The following HDAC9 variants were observed in gnomAD, a reference collection of about 807,000 sequenced individuals.
HDAC9 encodes the protein MEF-2 interacting transcription repressor (MITR) protein.
Under a neutral mutation model 139.4 loss-of-function variants are expected in HDAC9, and 41 were observed. The observed-to-expected ratio is 0.29, with a 90% CI of 0.23 to 0.38. The LOEUF is 0.38. Ranked by LOEUF, HDAC9 falls within the 10% of genes least tolerant of loss-of-function variation. HDAC9 has a pLI of 1.00. For missense variants in HDAC9, 1,147 were observed against 1,297.0 expected (o/e 0.88, Z 1.78); for synonymous variants, 517 against 476.2 (o/e 1.09, Z -1.12).
intron 21 of HDAC9, among the ~76,000 whole-genome samples, chr7:18,843,876 A>G (rs1387585688): frequency 6.6e-6 from 1 of 152,150 alleles, no homozygotes; most frequent in Non-Finnish European, 1.5e-5. Flanking sequence ...TGACTTTCCC[A>G]CGTGGAGGAA....
At chr7:18,871,087 G>T (rs1798883587) in intron 21 of HDAC9, among the ~76,000 whole-genome samples, 2 of 152,154 alleles carry the variant, frequency 1.3e-5, no homozygotes. Context: ...CTGTAAGAAA[G>T]AGCTGTTTTC....
intron 2 of HDAC9, among the ~76,000 whole-genome samples, chr7:18,183,323 TA>T (rs1409965080): frequency 6.6e-6 from 1 of 152,132 alleles, no homozygotes; most frequent in East Asian, 1.9e-4. Context: ...TTTGTTTTTT[TA>T]AAAAAAGCCC....
At chr7:18,487,522 T>A (rs1188786235) in intron 1 of HDAC9, among the ~76,000 whole-genome samples, 2 of 152,032 alleles carry the variant, frequency 1.3e-5, no homozygotes, top group Non-Finnish European at 2.9e-5. Flanking sequence ...AGTCCTGAAG[T>A]AGAGAAGATT....
At chr7:18,184,270 T>C (rs1038781594) in intron 2 of HDAC9, among the ~76,000 whole-genome samples, 2 of 152,068 alleles carry the variant, frequency 1.3e-5, no homozygotes, top group African/African-American at 4.8e-5. Context: ...TTGCGGCACA[T>C]GCCTGTAATT....
intron 1 of HDAC9, among the ~76,000 whole-genome samples, chr7:18,368,278 A>T (rs760376637): frequency 2.0e-5 from 3 of 151,996 alleles, no homozygotes; most frequent in South Asian, 2.1e-4. Context: ...GATGAAAGTG[A>T]TCTATCACTT....
intron 1 of HDAC9, among the ~76,000 whole-genome samples, chr7:18,313,816 T>G (rs1799469359): frequency 6.6e-6 from 1 of 152,198 alleles, no homozygotes; most frequent in African/African-American, 2.4e-5. Context: ...CAATTTATCC[T>G]TTTGTGCTAA....
Position 18,183,420 on chromosome 7 carries a change from C to T in HDAC9, c.25+21071C>T, listed in dbSNP as rs573819660. Among the ~76,000 whole-genome samples, 9 of 152,272 alleles carry T rather than the reference C, an allele frequency of 5.9e-5. No individual in the cohort carries two copies. In the South Asian group the frequency reaches 1.9e-3, roughly 32 times the overall value. ...TCAGATTCTACATACATAATAATTA[C>T]GATGGCTAGAAGGAGACAAATCTAA... is the stretch of plus-strand genomic sequence containing the variant. On this transcript the variant is annotated intron_variant, in intron 2 of 12. Transcript: ENST00000417496.
chr7:18,939,935 G>A (rs1781909581), intron 23 of HDAC9, among the ~76,000 whole-genome samples: 1 of 152,142 alleles, frequency 6.6e-6, no homozygotes, highest in Non-Finnish European at 1.5e-5. Context: ...GTCAAGAGGG[G>A]CCTTTCTGAG....
chr7:18,457,647 C>T (rs887654542), intron 1 of HDAC9, among the ~76,000 whole-genome samples: 17 of 152,202 alleles, frequency 1.1e-4, no homozygotes, highest in Admixed American at 9.2e-4. Flanking sequence ...AGGTTATAAA[C>T]GTCTGCTCTA....
rs1488047130 is a variant in HDAC9, at chr7:18,138,525, GAGGT to G, written c.-96-23703_-96-23700del. Among the ~76,000 whole-genome samples, 417 of 118,906 alleles carry G rather than the reference GAGGT, an allele frequency of 3.5e-3. 1 individual carries two copies. The highest frequency in any genetic ancestry group is 0.012 in the African/African-American group (389 of 33,204). The allele number at this position is 118,906 out of a possible 152,430, so 78.0% of individuals were successfully genotyped here. A position where few individuals can be genotyped will look rare whatever the true frequency, so the allele number is the denominator to read the frequency against. On this transcript the variant is annotated intron_variant, in intron 1 of 12. Transcript: ENST00000417496. The stretch of plus-strand genomic sequence containing the variant: ...GGGAAGCTGTAGTGAGAGAGAGAGA[GAGGT>G]GTGTGTGTGTGTGTGTGTGTGTGTG...
chr7:18,249,100 A>G (rs185037666), intron 2 of HDAC9, among the ~76,000 whole-genome samples: 56 of 152,336 alleles, frequency 3.7e-4, no homozygotes, highest in Non-Finnish European at 6.5e-4. Context: ...TCATAAAAAA[A>G]TCCTAATTAA....
chr7:18,530,163 A>C (rs1808412425), intron 2 of HDAC9, among the ~76,000 whole-genome samples: 1 of 151,992 alleles, frequency 6.6e-6, no homozygotes, highest in African/African-American at 2.4e-5. Context: ...ATGGTGGCAC[A>C]TGGGAGGCTG....
intron 11 of HDAC9, among the ~76,000 whole-genome samples, chr7:18,649,631 A>G: frequency 6.6e-6 from 1 of 152,184 alleles, no homozygotes; most frequent in East Asian, 1.9e-4. Flanking sequence ...AACAAACAAA[A>G]CAAAACAAAA....
chr7:18,692,788 AT>A (rs1390745897), intron 12 of HDAC9, among the ~76,000 whole-genome samples: 3 of 152,128 alleles, frequency 2.0e-5, no homozygotes, highest in Non-Finnish European at 2.9e-5. Flanking sequence ...GACCATGTAT[AT>A]TTTATGGTAA....
chr7:18,933,265 G>A (rs1425948004), intron 22 of HDAC9, among the ~76,000 whole-genome samples: 1 of 152,124 alleles, frequency 6.6e-6, no homozygotes, highest in Non-Finnish European at 1.5e-5. Context: ...TAAAGACTTG[G>A]ACCCTTAGAA....
chr7:18,263,899 G>A (rs142561465), intron 2 of HDAC9, among the ~76,000 whole-genome samples: 4 of 152,138 alleles, frequency 2.6e-5, no homozygotes, highest in African/African-American at 9.7e-5. Flanking sequence ...GATTACAGGT[G>A]TAAGCCACCA....
At chr7:18,292,436 A>G (rs1249033134) in intron 1 of HDAC9, among the ~76,000 whole-genome samples, 3 of 152,260 alleles carry the variant, frequency 2.0e-5, no homozygotes, top group East Asian at 3.9e-4. Flanking sequence ...CAGTATTCCT[A>G]TAAAGCAAGC....
intron 2 of HDAC9, among the ~76,000 whole-genome samples, chr7:18,237,310 T>G (rs942929610): frequency 5.3e-5 from 8 of 152,228 alleles, no homozygotes; most frequent in African/African-American, 1.9e-4. Flanking sequence ...CACATGTAAC[T>G]GACATAGTAA....
At chr7:18,214,146 A>T (rs1482150018) in intron 2 of HDAC9, among the ~76,000 whole-genome samples, 1 of 152,148 alleles carries the variant, frequency 6.6e-6, no homozygotes, top group Non-Finnish European at 1.5e-5. Flanking sequence ...TGTTTTGCAG[A>T]TAAGGATGTC....
Sources: gnomAD v4.1 joint callset for allele counts (sites outside exome capture counted in the v4.1 genomes callset) on GRCh38, gnomAD v4.1.1 for gene constraint, MANE v1.5 for transcripts, NCBI Gene and HGNC (gene_info 2026-07-23, HGNC 2026-07-21) for gene names.